The following CAMTA1 variants were observed in gnomAD, a reference collection of about 807,000 sequenced individuals.
CAMTA1 encodes calmodulin-binding transcription activator 1.
A neutral mutation model predicts 170.9 loss-of-function variants in CAMTA1; 27 were observed. The ratio of observed to expected loss-of-function variants is 0.16; its 90% CI spans 0.12 to 0.22. CAMTA1 has a LOEUF of 0.22. Ranked by LOEUF, CAMTA1 falls within the 10% of genes least tolerant of loss-of-function variation. CAMTA1 has a pLI of 1.00. For synonymous variants in CAMTA1, 833 were observed against 891.5 expected, an observed-to-expected ratio of 0.93 and a Z score of 1.17; for missense variants, 1,619 against 2,217.2, an observed-to-expected ratio of 0.73 and a Z score of 5.42.
chr1:7,734,258 G>A (rs1296504561), intron 12 of CAMTA1, among the ~76,000 whole-genome samples: 1 of 152,134 alleles, frequency 6.6e-6, no homozygotes, highest in Non-Finnish European at 1.5e-5. Context: ...ATAGTACTAA[G>A]TTTTATAAAA....
intron 4 of CAMTA1, among the ~76,000 whole-genome samples, chr1:7,217,291 G>A (rs888451713): frequency 1.3e-5 from 2 of 152,300 alleles, no homozygotes; most frequent in East Asian, 1.9e-4. Context: ...TGCCATGATT[G>A]TAAGTTTCCT....
rs993269233 is a variant in CAMTA1 at position 7,710,852 on chromosome 1, C to T, written c.2915-21596C>T. 3.9e-5 allele frequency among the ~76,000 whole-genome samples: 6 copies of T among 152,134 alleles called. 1 individual carries two copies. In the South Asian group the frequency reaches 1.2e-3, roughly 31 times the overall value. ...AAATTACCAGATGTCTCCAGGAAGA[C>T]AGCTCTTATTTCCCTGTAGTTCCAG... On this transcript the variant is annotated intron_variant, in intron 11 of 22. Transcript: ENST00000303635.
intron 1 of CAMTA1, among the ~76,000 whole-genome samples, chr1:6,801,933 TTCAGAAAAG>T (rs1179062983): frequency 6.6e-6 from 1 of 152,184 alleles, no homozygotes; most frequent in Non-Finnish European, 1.5e-5. Flanking sequence ...GGCTAGCTCA[TTCAGAAAAG>T]TCTGAGGTTC....
intron 3 of CAMTA1, among the ~76,000 whole-genome samples, chr1:7,034,015 A>G (rs1415825801): frequency 6.6e-6 from 1 of 152,176 alleles, no homozygotes; most frequent in African/African-American, 2.4e-5. Flanking sequence ...CATTGAGTTC[A>G]GGGCTGATTT....
intron 4 of CAMTA1, among the ~76,000 whole-genome samples, chr1:7,152,840 G>A (rs1269981630): frequency 3.3e-5 from 5 of 152,214 alleles, no homozygotes; most frequent in African/African-American, 7.2e-5. Flanking sequence ...AGTGGTGCTC[G>A]ACCCTAACCT....
intron 3 of CAMTA1, among the ~76,000 whole-genome samples, chr1:7,062,393 C>G (rs6656691): frequency 0.49 from 73,987 of 151,940 alleles, 18,724 homozygotes; most frequent in African/African-American, 0.62. Flanking sequence ...AAAAAGTGAG[C>G]AAGAAGAAGA....
chr1:7,640,165 G>A (rs554920463), intron 6 of CAMTA1, among the ~76,000 whole-genome samples: 8 of 152,172 alleles, frequency 5.3e-5, no homozygotes, highest in Non-Finnish European at 1.2e-4. Context: ...ACAGCCGGAG[G>A]GGGAGGGGCC....
chr1:7,412,877 T>C (rs1167375148), intron 5 of CAMTA1, among the ~76,000 whole-genome samples: 1 of 152,262 alleles, frequency 6.6e-6, no homozygotes, highest in East Asian at 1.9e-4. Flanking sequence ...TCTAGGGTTT[T>C]TATGCTTTTA....
At chr1:7,039,387 A>G (rs915347344) in intron 3 of CAMTA1, among the ~76,000 whole-genome samples, 3 of 152,206 alleles carry the variant, frequency 2.0e-5, no homozygotes, top group Admixed American at 6.5e-5. Context: ...GAAATGGAGC[A>G]TTCTTTGGAT....
chr1:6,872,384 G>A (rs1668661784), intron 3 of CAMTA1, among the ~76,000 whole-genome samples: 1 of 152,038 alleles, frequency 6.6e-6, no homozygotes, highest in Non-Finnish European at 1.5e-5. Flanking sequence ...GAAGTATTTT[G>A]GGGAGAAAAA....
intron 11 of CAMTA1, among the ~76,000 whole-genome samples, chr1:7,688,924 G>C (rs561294072): frequency 6.6e-6 from 1 of 152,128 alleles, no homozygotes; most frequent in Non-Finnish European, 1.5e-5. Context: ...GTGAGAGGCA[G>C]GTATGTGTCA....
At chr1:7,320,204 T>C (rs1678167287) in intron 5 of CAMTA1, among the ~76,000 whole-genome samples, 1 of 152,200 alleles carries the variant, frequency 6.6e-6, no homozygotes, top group African/African-American at 2.4e-5. Context: ...AGGAAAACTT[T>C]CAATAATTCA....
intron 5 of CAMTA1, among the ~76,000 whole-genome samples, chr1:7,392,942 A>G (rs2088891421): frequency 6.6e-6 from 1 of 151,920 alleles, no homozygotes; most frequent in African/African-American, 2.4e-5. Flanking sequence ...AGTCCCAGCT[A>G]CTTGGGAAGC....
intron 3 of CAMTA1, among the ~76,000 whole-genome samples, chr1:6,884,291 GACACACAC>G (rs112571156): frequency 0.08 from 10,968 of 136,614 alleles, 475 homozygotes; most frequent in African/African-American, 0.12. Flanking sequence ...ATTCTCTAGA[GACACACAC>G]ACACACACAC....
intron 5 of CAMTA1, among the ~76,000 whole-genome samples, chr1:7,428,588 C>G (rs2091990082): frequency 6.6e-6 from 1 of 152,142 alleles, no homozygotes; most frequent in Non-Finnish European, 1.5e-5. Flanking sequence ...TGCCTCCCAG[C>G]AGCGTCCCTA....
At position 7,520,523 on chromosome 1, in the gene CAMTA1, G is replaced by A. The variant is rs904619751; in HGVS notation, c.510+52622G>A. Among the ~76,000 whole-genome samples the A allele has an allele frequency of 3.6e-4, 54 of 151,790 alleles. 1 individual carries two copies. Among genetic ancestry groups the A allele is most frequent in the Admixed American group, 2.5e-3 (38 of 15,260 alleles). ...CACAGGCAGACATGGATCCCCACAG[G>A]AGGGGTCTGGCTGAGTGGGAGTGTC... On this transcript the variant is annotated intron_variant, in intron 6 of 22. Transcript: ENST00000303635.
rs568989196 is a variant in CAMTA1 at position 6,877,587 on chromosome 1, C to T, written c.234+52377C>T. On this transcript the variant is annotated intron_variant, in intron 3 of 22. Coordinates refer to ENST00000303635, the MANE Select transcript of CAMTA1 (RefSeq NM_015215.4). ...GGGAAACTGGCCGTGGTTACCATCA[C>T]GCTGTGTGATGCTCCTCAGAATCCT... Among the ~76,000 whole-genome samples, 10 of 152,266 alleles carry T rather than the reference C, an allele frequency of 6.6e-5. No homozygotes were observed. The East Asian group carries it at 9.6e-4, about 15-fold the overall frequency.
chr1:7,588,533 C>T lies in CAMTA1; in HGVS notation c.511-51867C>T, dbSNP rs771945183. On this transcript the variant is annotated intron_variant, in intron 6 of 22. Transcript: ENST00000303635. The surrounding 1 kb of genome is among the most constrained non-coding windows in gnomAD (Gnocchi z 5.8). ...GAAGAGCTTGGTGTGCCCAAGGCCA[C>T]GAAGTGGAGCCCAGGTCTTGCAGAC... Among the ~76,000 whole-genome samples, 1 of 152,226 alleles carries T rather than the reference C, an allele frequency of 6.6e-6. No individual in the cohort carries two copies. The highest frequency in any genetic ancestry group is 1.5e-5 in the Non-Finnish European group (1 of 68,042).
chr1:7,620,479 A>T (rs1259213090), intron 6 of CAMTA1, among the ~76,000 whole-genome samples: 1 of 152,148 alleles, frequency 6.6e-6, no homozygotes, highest in Non-Finnish European at 1.5e-5. Flanking sequence ...GAGAACACAG[A>T]ACTGGTCTTC....
Sources: gnomAD v4.1 joint callset for allele counts (sites outside exome capture counted in the v4.1 genomes callset) on GRCh38, gnomAD v4.1.1 for gene constraint, Gnocchi (gnomAD v3.1) non-coding constraint, MANE v1.5 for transcripts, NCBI Gene and HGNC (gene_info 2026-07-23, HGNC 2026-07-21) for gene names.